Variants in PDLIM5 observed in about 807,000 individuals in gnomAD.
The protein encoded by PDLIM5 is PDZ and LIM domain protein 5.
In PDLIM5, 34 loss-of-function variants were observed where a neutral mutation model predicts 64.2. That is an observed-to-expected ratio of 0.53 (90% CI 0.40 to 0.71). The LOEUF (loss-of-function observed/expected upper bound fraction) is 0.71. Among genes scored for constraint, PDLIM5 ranks in the 30% least tolerant of loss-of-function variants. PDLIM5 has a pLI of 0.00. For synonymous variants in PDLIM5, 253 were observed against 269.1 expected, an observed-to-expected ratio of 0.94 and a Z score of 0.59; for missense variants, 683 against 733.6, an observed-to-expected ratio of 0.93 and a Z score of 0.80.
At chr4:94,524,237 C>T (rs184719234) in intron 3 of PDLIM5, among the ~76,000 whole-genome samples, 12 of 151,826 alleles carry the variant, frequency 7.9e-5, no homozygotes, top group Non-Finnish European at 1.2e-4. Context: ...GGCGTGGTGG[C>T]GTGTGCCTGT....
intron 8 of PDLIM5, among the ~76,000 whole-genome samples, chr4:94,628,035 T>C (rs1440716548): frequency 6.6e-6 from 1 of 152,238 alleles, no homozygotes; most frequent in Non-Finnish European, 1.5e-5. Flanking sequence ...TAAGATCTTA[T>C]GTCAGAGTGT....
chr4:94,640,229 T>A (rs1425365346), intron 8 of PDLIM5, 47 bp from the exon 9 acceptor site: 11 of 1,005,336 alleles, frequency 1.1e-5, no homozygotes, highest in Non-Finnish European at 1.3e-5. Flanking sequence ...TAGGAAAGGT[T>A]TATATGTGGC....
At chr4:94,531,822 T>TA in intron 3 of PDLIM5, among the ~76,000 whole-genome samples, 1 of 152,276 alleles carries the variant, frequency 6.6e-6, no homozygotes, top group Non-Finnish European at 1.5e-5. Flanking sequence ...GCATCTCTGT[T>TA]AAAAAGTACT....
At chr4:94,586,941 T>C in intron 7 of PDLIM5, 2 of 1,465,220 alleles carry the variant, frequency 1.4e-6, no homozygotes, top group Non-Finnish European at 9.3e-7. Flanking sequence ...CTATTTCTTA[T>C]GACTCTTCTA....
At chr4:94,529,337 C>G (rs962018603) in intron 3 of PDLIM5, among the ~76,000 whole-genome samples, 1 of 152,074 alleles carries the variant, frequency 6.6e-6, no homozygotes, top group Non-Finnish European at 1.5e-5. Flanking sequence ...ATTCTGCTCT[C>G]CTCCACCTAA....
At chr4:94,538,338 C>T (rs1369145598) in intron 3 of PDLIM5, among the ~76,000 whole-genome samples, 1 of 152,160 alleles carries the variant, frequency 6.6e-6, no homozygotes, top group Non-Finnish European at 1.5e-5. Context: ...GAGTTTGAAG[C>T]AACTCCAGCT....
chr4:94,540,552 T>TA (rs1224489730), intron 3 of PDLIM5, among the ~76,000 whole-genome samples: 1 of 151,950 alleles, frequency 6.6e-6, no homozygotes, highest in Non-Finnish European at 1.5e-5. Context: ...AGAGACCAGT[T>TA]AGAGGAGACT....
chr4:94,584,936 T>C (rs1211544902), intron 5 of PDLIM5: 9 of 1,270,964 alleles, frequency 7.1e-6, no homozygotes, highest in Non-Finnish European at 9.0e-6. Flanking sequence ...CTTTCCTTTT[T>C]CTTCATGTTG....
chr4:94,455,416 G>T lies in PDLIM5; in HGVS notation c.96+32G>T, dbSNP rs780306053. On this transcript the variant is annotated intron_variant, in intron 2 of 12. Coordinates refer to ENST00000317968, the MANE Select transcript of PDLIM5 (RefSeq NM_006457.5). ...AAACTTTACAAATTTTATTATAGAT[G>T]TTCATTCAGTGCTTAGTCCTCGGGC... 10 of 1,295,410 alleles carry T rather than the reference G, an allele frequency of 7.7e-6. No individual in the cohort carries two copies. In the Admixed American group the frequency reaches 1.7e-4, roughly 22 times the overall value. 80.2% of individuals were successfully genotyped at this position (1,295,410 alleles called of 1,614,324 possible). A position where few individuals can be genotyped will look rare whatever the true frequency, so the allele number is the denominator to read the frequency against.
At chr4:94,475,317 T>C (rs1725229485) in intron 2 of PDLIM5, among the ~76,000 whole-genome samples, 2 of 152,206 alleles carry the variant, frequency 1.3e-5, no homozygotes, top group Admixed American at 6.5e-5. Flanking sequence ...TTGGTAGCAG[T>C]TTTAAAACTT....
At chr4:94,614,331 T>G (rs980831189) in intron 7 of PDLIM5, among the ~76,000 whole-genome samples, 3 of 152,074 alleles carry the variant, frequency 2.0e-5, no homozygotes, top group Admixed American at 6.6e-5. Flanking sequence ...CCCAGGCTGG[T>G]CTTGAACTCC....
intron 2 of PDLIM5, among the ~76,000 whole-genome samples, chr4:94,467,488 ATTC>A: frequency 6.6e-6 from 1 of 151,940 alleles, no homozygotes; most frequent in East Asian, 1.9e-4. Flanking sequence ...TAATTTTTGT[ATTC>A]TTAGTAGAGA....
intron 7 of PDLIM5, among the ~76,000 whole-genome samples, chr4:94,616,404 A>G (rs1323627803): frequency 6.6e-6 from 1 of 152,202 alleles, no homozygotes; most frequent in Non-Finnish European, 1.5e-5. Context: ...TAATTATCTT[A>G]TTTAAGCCTC....
intron 7 of PDLIM5, chr4:94,588,163 C>A: frequency 1.0e-6 from 1 of 958,534 alleles, no homozygotes; most frequent in Non-Finnish European, 1.2e-6. Flanking sequence ...AGGCTAGACA[C>A]AGTGCCATCC....
intron 1 of PDLIM5, 79 bp from the exon 2 acceptor site, chr4:94,455,168 C>G: frequency 3.2e-6 from 2 of 618,886 alleles, no homozygotes; most frequent in East Asian, 2.7e-5. Context: ...TCACCCCCCT[C>G]AAACAAAATA....
chr4:94,657,447 A>G lies in PDLIM5; in HGVS notation c.1485A>G (p.Lys495=), dbSNP rs774726325. 5.0e-6 allele frequency: 8 copies of G among 1,602,858 alleles called. No homozygotes were observed. Among genetic ancestry groups the G allele is most frequent in the Non-Finnish European group, 6.8e-6 (8 of 1,170,282 alleles). The change falls in exon 11 of 13, where the codon AAA becomes AAG. Residue 495 remains lysine (K), a synonymous_variant. Coordinates refer to ENST00000317968, the MANE Select transcript of PDLIM5 (RefSeq NM_006457.5). ...AACAGGAAGTCATCAGTGCGTTGAA[A>G]CAAACTTGGCATGTTTCCTGTTTTG... ...KILGEVISAL[K]QTWHVSCFVC...
intron 7 of PDLIM5, among the ~76,000 whole-genome samples, chr4:94,594,559 A>T (rs1736917212): frequency 6.6e-6 from 1 of 152,032 alleles, no homozygotes; most frequent in Admixed American, 6.5e-5. Flanking sequence ...ATTATGGGAG[A>T]CCATAGAAAA....
Position 94,491,166 on chromosome 4 carries a change from G to C in PDLIM5, c.97-32558G>C, listed in dbSNP as rs1363453293. Among the ~76,000 whole-genome samples, 3 of 152,102 alleles carry C rather than the reference G, an allele frequency of 2.0e-5. No homozygotes were observed. In the East Asian group the frequency reaches 5.8e-4, roughly 29 times the overall value. ...AAACTGATGATCATCACCTTATTCA[G>C]AGCAAAGCCAAATGCTGATTCCGAC... On this transcript the variant is annotated intron_variant, in intron 2 of 12. Transcript: ENST00000317968.
In PDLIM5 at chr4:94,645,629, G is replaced by A. The variant is rs554107580; in HGVS notation, c.1283+5179G>A. 1.3e-4 allele frequency among the ~76,000 whole-genome samples: 20 copies of A among 152,262 alleles called. No homozygotes were observed. In the East Asian group the frequency reaches 3.9e-3, roughly 29 times the overall value. ...TCCCACTGTTTTTAGGAATATAATA[G>A]TAAGCAATACATATAGCCAGTGTGC... On this transcript the variant is annotated intron_variant, in intron 9 of 12. Transcript: ENST00000317968.
Sources: gnomAD v4.1 joint callset for allele counts (sites outside exome capture counted in the v4.1 genomes callset) on GRCh38, gnomAD v4.1.1 for gene constraint, MANE v1.5 for transcripts, NCBI Gene and HGNC (gene_info 2026-07-23, HGNC 2026-07-21) for gene names.